Variants in ELMO1 observed in about 807,000 individuals in gnomAD.
ELMO1 encodes the protein engulfment and cell motility 1.
A neutral mutation model predicts 98.9 loss-of-function variants in ELMO1; 26 were observed. That is an observed-to-expected ratio of 0.26 (90% CI 0.19 to 0.36). The LOEUF (loss-of-function observed/expected upper bound fraction) is 0.36. Among genes scored for constraint, ELMO1 ranks in the 10% least tolerant of loss-of-function variants. The probability of loss-of-function intolerance (pLI) is 1.00; values close to 1 mark genes in which losing one functional copy is unlikely to be tolerated. For missense variants in ELMO1, 627 were observed against 935.2 expected (o/e 0.67, Z 4.30); for synonymous variants, 346 against 346.0 (o/e 1.00, Z 0.00).
intron 14 of ELMO1, among the ~76,000 whole-genome samples, chr7:37,106,126 T>C (rs143434561): frequency 1.1e-3 from 173 of 152,168 alleles, no homozygotes; most frequent in African/African-American, 3.6e-3. Context: ...TCACAAGCCA[T>C]TGAAGCAGGA....
intron 16 of ELMO1, among the ~76,000 whole-genome samples, chr7:36,899,068 G>A (rs1233446888): frequency 1.3e-5 from 2 of 152,318 alleles, no homozygotes; most frequent in African/African-American, 2.4e-5. Context: ...GTGAAGGCTT[G>A]GAGGGGGAAG....
intron 1 of ELMO1, among the ~76,000 whole-genome samples, chr7:37,447,445 G>T (rs1805665414): frequency 6.6e-6 from 1 of 151,988 alleles, no homozygotes; most frequent in African/African-American, 2.4e-5. Flanking sequence ...ACTGAGTCTC[G>T]GGAGCCGTCC....
At chr7:36,908,996 A>G (rs1235659633) in intron 16 of ELMO1, among the ~76,000 whole-genome samples, 2 of 152,250 alleles carry the variant, frequency 1.3e-5, no homozygotes, top group Non-Finnish European at 2.9e-5. Context: ...GCAGAAAACA[A>G]GTCTCAGGGC....
chr7:37,308,542 C>T (rs912923818), intron 4 of ELMO1, among the ~76,000 whole-genome samples: 1 of 152,188 alleles, frequency 6.6e-6, no homozygotes, highest in African/African-American at 2.4e-5. Flanking sequence ...CCCAGACACT[C>T]ACATTTCTCC....
chr7:36,945,350 A>G (rs956894943), intron 16 of ELMO1, among the ~76,000 whole-genome samples: 1 of 152,188 alleles, frequency 6.6e-6, no homozygotes, highest in African/African-American at 2.4e-5. Context: ...TACAATACAA[A>G]TGCACTAAGT....
At chr7:37,355,673 A>T (rs1390620399) in intron 1 of ELMO1, among the ~76,000 whole-genome samples, 2 of 152,268 alleles carry the variant, frequency 1.3e-5, no homozygotes, top group East Asian at 3.8e-4. Flanking sequence ...TTGCCTGAGC[A>T]GATGCCCTGA....
At position 37,104,010 on chromosome 7, in the gene ELMO1, CAAAAAAAAAAAAA is replaced by C. The variant is rs35979251; in HGVS notation, c.1192-7296_1192-7284del. Among the ~76,000 whole-genome samples the C allele has an allele frequency of 9.3e-4, 27 of 29,018 alleles. No individual in the cohort carries two copies. In the East Asian group the frequency reaches 9.6e-3, roughly 10 times the overall value. 19.0% of individuals were successfully genotyped at this position (29,018 alleles called of 152,430 possible). A position where few individuals can be genotyped will look rare whatever the true frequency, so the allele number is the denominator to read the frequency against. The stretch of plus-strand genomic sequence containing the variant: ...TGGGTGAGAGAGTGAGACTCCATCT[CAAAAAAAAAAAAA>C]AAAAAAAAAAAAAAAAAAAAGAACA... On this transcript the variant is annotated intron_variant, in intron 14 of 21. Transcript: ENST00000310758.
intron 16 of ELMO1, among the ~76,000 whole-genome samples, chr7:36,944,904 G>C (rs534406732): frequency 6.6e-6 from 1 of 152,274 alleles, no homozygotes; most frequent in South Asian, 2.1e-4. Context: ...AAAAGCAAAG[G>C]AGCCTATGCT....
chr7:37,259,280 T>G lies in ELMO1; in HGVS notation c.314A>C (p.Lys105Thr), dbSNP rs756664773. 1 of 1,614,158 alleles carries G rather than the reference T, an allele frequency of 6.2e-7. No individual in the cohort carries two copies. Among genetic ancestry groups the G allele is most frequent in the African/African-American group, 1.3e-5 (1 of 75,040 alleles). Residue 105 changes from lysine to threonine, a missense_variant, in exon 6 of 22, where the codon AAG (lysine) becomes ACG (threonine). Lys to Thr is a moderately conservative substitution (Grantham distance 78). Transcript: ENST00000310758. ...ATCCCGGGAGAGGCTGGCCAAGTCCTTCAGGGCTTCCAGCTTGGCATCCAT... is the reference window on the plus strand; with the variant it reads ...ATCCCGGGAGAGGCTGGCCAAGTCCGTCAGGGCTTCCAGCTTGGCATCCAT... ...SSMDAKLEAL[K>T]DLASLSRDVT...
At chr7:37,024,511 T>C (rs144624807) in intron 15 of ELMO1, among the ~76,000 whole-genome samples, 86 of 152,334 alleles carry the variant, frequency 5.6e-4, no homozygotes, top group Middle Eastern at 3.4e-3. Flanking sequence ...CAGCGTATTA[T>C]GGATGAGTGA....
At chr7:37,123,241 C>A (rs956152049) in intron 14 of ELMO1, among the ~76,000 whole-genome samples, 1 of 151,994 alleles carries the variant, frequency 6.6e-6, no homozygotes, top group African/African-American at 2.4e-5. Context: ...GAAGCAAGAG[C>A]AAACACATTC....
chr7:36,923,643 T>C (rs1183438218), intron 16 of ELMO1, among the ~76,000 whole-genome samples: 1 of 152,210 alleles, frequency 6.6e-6, no homozygotes, highest in Admixed American at 6.5e-5. Flanking sequence ...AATTACCTCT[T>C]TGGGATAAGG....
chr7:37,363,244 C>A (rs375201931), intron 1 of ELMO1, among the ~76,000 whole-genome samples: 1 of 152,068 alleles, frequency 6.6e-6, no homozygotes, highest in East Asian at 1.9e-4. Context: ...CCAACTCAAC[C>A]CTCACAAACA....
At chr7:37,330,722 G>T (rs1417575106) in intron 2 of ELMO1, among the ~76,000 whole-genome samples, 1 of 152,158 alleles carries the variant, frequency 6.6e-6, no homozygotes, top group African/African-American at 2.4e-5. Context: ...TTCACAGAAA[G>T]AAGATTCATT....
chr7:37,007,760 A>AG (rs1793245249), intron 16 of ELMO1, among the ~76,000 whole-genome samples: 1 of 152,158 alleles, frequency 6.6e-6, no homozygotes, highest in Admixed American at 6.5e-5. Flanking sequence ...ATAATCCACT[A>AG]GATGTGACTA....
At chr7:37,405,263 C>T (rs79869669) in intron 1 of ELMO1, among the ~76,000 whole-genome samples, 18 of 152,302 alleles carry the variant, frequency 1.2e-4, no homozygotes, top group African/African-American at 4.3e-4. Context: ...GGCTTTATTG[C>T]AGGTCCCAGC....
intron 1 of ELMO1, among the ~76,000 whole-genome samples, chr7:37,424,958 G>A (rs577952415): frequency 1.4e-3 from 217 of 152,142 alleles, no homozygotes; most frequent in African/African-American, 4.6e-3. Flanking sequence ...ATTTATTGAG[G>A]CTGTGTTATC....
chr7:37,121,556 G>A (rs181289878), intron 14 of ELMO1, among the ~76,000 whole-genome samples: 2 of 152,166 alleles, frequency 1.3e-5, no homozygotes, highest in African/African-American at 4.8e-5. Flanking sequence ...GAAATGAAGT[G>A]AGAAGAGAAG....
At chr7:37,132,248 A>G (rs1786972358) in intron 14 of ELMO1, among the ~76,000 whole-genome samples, 1 of 152,194 alleles carries the variant, frequency 6.6e-6, no homozygotes, top group Admixed American at 6.6e-5. Context: ...ATTAATGGAC[A>G]TGCTCTTACC....
Sources: gnomAD v4.1 joint callset for allele counts (sites outside exome capture counted in the v4.1 genomes callset) on GRCh38, gnomAD v4.1.1 for gene constraint, MANE v1.5 for transcripts, NCBI Gene and HGNC (gene_info 2026-07-23, HGNC 2026-07-21) for gene names.